SLC22A9: variants seen among roughly 807,000 people sequenced by gnomAD.
The protein encoded by SLC22A9 is solute carrier family 22 member 9.
A neutral mutation model predicts 50.1 loss-of-function variants in SLC22A9; 64 were observed. That is an observed-to-expected ratio of 1.28 (90% CI 1.04 to 1.57). SLC22A9 has a LOEUF of 1.57. SLC22A9 is among the 40% of genes most tolerant of loss of function. The probability of loss-of-function intolerance (pLI) is 0.00; values close to 1 mark genes in which losing one functional copy is unlikely to be tolerated. For missense variants in SLC22A9, 757 were observed against 676.1 expected (o/e 1.12, Z -1.33); for synonymous variants, 261 against 242.5 (o/e 1.08, Z -0.71).
chr11:63,390,724 T>A (rs533183434), intron 6 of SLC22A9, among the ~76,000 whole-genome samples: 1 of 152,178 alleles, frequency 6.6e-6, no homozygotes, highest in Non-Finnish European at 1.5e-5. Context: ...TCTAATTCTA[T>A]GAAGACAGCC....
chr11:63,371,427 C>G (rs1387321721), intron 2 of SLC22A9, among the ~76,000 whole-genome samples, 189 bp downstream of exon 2: 3 of 152,104 alleles, frequency 2.0e-5, no homozygotes, highest in Non-Finnish European at 4.4e-5. Flanking sequence ...ATGCAGGACA[C>G]AGAAATGATA....
At chr11:63,375,799 T>C (rs771561701) in intron 5 of SLC22A9, 31 bp downstream of exon 5, 9 of 1,605,570 alleles carry the variant, frequency 5.6e-6, no homozygotes, top group Middle Eastern at 1.7e-4. Context: ...ATATGGGATG[T>C]AGGGAAGACA....
At chr11:63,371,705 T>C (rs2014362712) in intron 2 of SLC22A9, among the ~76,000 whole-genome samples, 1 of 152,162 alleles carries the variant, frequency 6.6e-6, no homozygotes, top group South Asian at 2.1e-4. Context: ...TATTTGAAGG[T>C]ATCATTGGTG....
At chr11:63,408,930 G>C in intron 9 of SLC22A9, 51 bp downstream of exon 9, 1 of 1,593,582 alleles carries the variant, frequency 6.3e-7, no homozygotes. Context: ...CTATAGGTCT[G>C]TGCTGAGGAA....
chr11:63,409,967 G>T lies in SLC22A9; in HGVS notation c.*105G>T. ...TAGAAAATAAATAACAAGGCTGGGT[G>T]CGGTGGCTCACGCCTGTAATCCCAG... On this transcript the variant is annotated 3_prime_UTR_variant, in exon 10 of 10. Transcript: ENST00000279178. 4 of 1,324,324 alleles carry T rather than the reference G, an allele frequency of 3.0e-6. No individual in the cohort carries two copies. The South Asian group carries it at 5.0e-5, about 16-fold the overall frequency. The allele number at this position is 1,324,324 out of a possible 1,614,324, so 82.0% of individuals were successfully genotyped here. A position where few individuals can be genotyped will look rare whatever the true frequency, so the allele number is the denominator to read the frequency against.
At chr11:63,373,153 C>T (rs1270972132) in intron 2 of SLC22A9, among the ~76,000 whole-genome samples, 2 of 148,290 alleles carry the variant, frequency 1.3e-5, no homozygotes, top group Non-Finnish European at 3.0e-5. Flanking sequence ...TTTTGCCCTC[C>T]CCTGCAACAC....
At chr11:63,375,578 A>T (rs1428689658) in intron 4 of SLC22A9, 67 bp from the exon 5 acceptor site, 1 of 1,570,002 alleles carries the variant, frequency 6.4e-7, no homozygotes, top group African/African-American at 1.4e-5. Flanking sequence ...AGACATCTTA[A>T]GAAAAAACTA....
At chr11:63,398,175 G>A (rs1295873329) in intron 6 of SLC22A9, among the ~76,000 whole-genome samples, 1 of 152,174 alleles carries the variant, frequency 6.6e-6, no homozygotes, top group Non-Finnish European at 1.5e-5. Flanking sequence ...GTCTGGAGAT[G>A]TCATCTGGGA....
At chr11:63,392,728 T>A (rs2014785384) in intron 6 of SLC22A9, among the ~76,000 whole-genome samples, 1 of 152,108 alleles carries the variant, frequency 6.6e-6, no homozygotes, top group Non-Finnish European at 1.5e-5. Context: ...CTTACTGATA[T>A]ATTGTAGTTT....
In SLC22A9 at chr11:63,405,328, T is replaced by C. The variant is rs905793999; in HGVS notation, c.1074-1169T>C. The stretch of plus-strand genomic sequence containing the variant: ...GCTTCTGGTTTGAGCAATTTGGAAG[T>C]GGTGTGAGAACTAGAAACTGTGTCA... On this transcript the variant is annotated intron_variant, in intron 6 of 9. Coordinates refer to ENST00000279178, the MANE Select transcript of SLC22A9 (RefSeq NM_080866.3). Among the ~76,000 whole-genome samples, 26 of 152,168 alleles carry C rather than the reference T, an allele frequency of 1.7e-4. 1 individual carries two copies. The East Asian group carries it at 2.3e-3, about 14-fold the overall frequency.
At chr11:63,385,322 C>A (rs1226072544) in intron 6 of SLC22A9, among the ~76,000 whole-genome samples, 1 of 151,810 alleles carries the variant, frequency 6.6e-6, no homozygotes, top group East Asian at 1.9e-4. Context: ...TTTTCTAATT[C>A]TTTGAAGAAT....
At chr11:63,389,031 A>C (rs1477400613) in intron 6 of SLC22A9, among the ~76,000 whole-genome samples, 3 of 152,034 alleles carry the variant, frequency 2.0e-5, no homozygotes, top group Admixed American at 2.0e-4. Flanking sequence ...TCTCCTTTTT[A>C]ATCTCTGATT....
rs200727459 is a variant in SLC22A9, at chr11:63,370,325, G to A, written c.269G>A (p.Arg90His). 8.4e-5 allele frequency: 135 copies of A among 1,613,978 alleles called. No homozygotes were observed. Among genetic ancestry groups the A allele is most frequent in the Admixed American group, 1.3e-4 (8 of 60,000 alleles). ...DSNMRPEKCR[R>H]FVHPQWQLLH... is the part of the protein sequence containing the mutation. ...AACATGAGGCCAGAGAAGTGTCGTC[G>A]CTTTGTTCATCCTCAGTGGCAGCTC... Residue 90 changes from arginine to histidine, a missense_variant, in exon 1 of 10, where the codon CGC becomes CAC. Coordinates refer to ENST00000279178, the MANE Select transcript of SLC22A9 (RefSeq NM_080866.3).
intron 6 of SLC22A9, among the ~76,000 whole-genome samples, chr11:63,389,551 T>C (rs1036159676): frequency 6.6e-6 from 1 of 152,252 alleles, no homozygotes; most frequent in African/African-American, 2.4e-5. Flanking sequence ...ATGGTGTATG[T>C]GTGCCACATT....
chr11:63,374,645 C>G (rs1379457022), intron 4 of SLC22A9, among the ~76,000 whole-genome samples: 1 of 152,030 alleles, frequency 6.6e-6, no homozygotes, highest in African/African-American at 2.4e-5. Flanking sequence ...ATTATGGAAA[C>G]AGAATTATTA....
chr11:63,403,523 A>C (rs1224919770), intron 6 of SLC22A9, among the ~76,000 whole-genome samples: 1 of 152,138 alleles, frequency 6.6e-6, no homozygotes, highest in East Asian at 1.9e-4. Context: ...AGAGCATATG[A>C]ACATATAAAG....
chr11:63,373,874 T>G lies in SLC22A9; in HGVS notation c.662-20T>G, dbSNP rs1273583034. On this transcript the variant is annotated intron_variant, in intron 3 of 9. Coordinates refer to ENST00000279178, the MANE Select transcript of SLC22A9 (RefSeq NM_080866.3). ...AAACTCCACCTTTGAAGTCAAAGCCTTATCTGTTTTTTCTTCCAGTAGCCG... is the reference window on the plus strand; with the variant it reads ...AAACTCCACCTTTGAAGTCAAAGCCGTATCTGTTTTTTCTTCCAGTAGCCG... The G allele has an allele frequency of 1.2e-6, 2 of 1,611,506 alleles. No homozygotes were observed. Among genetic ancestry groups the G allele is most frequent in the Non-Finnish European group, 1.7e-6 (2 of 1,178,690 alleles).
intron 6 of SLC22A9, among the ~76,000 whole-genome samples, chr11:63,396,919 G>C (rs2014868756): frequency 1.3e-5 from 2 of 152,136 alleles, no homozygotes; most frequent in Non-Finnish European, 2.9e-5. Flanking sequence ...TGGTGCTGAT[G>C]CTTGTGGATG....
At chr11:63,382,851 C>G (rs77296359) in intron 6 of SLC22A9, among the ~76,000 whole-genome samples, 1 of 152,120 alleles carries the variant, frequency 6.6e-6, no homozygotes, top group Non-Finnish European at 1.5e-5. Context: ...TGAGCACAAA[C>G]CCAAGAACAG....
Sources: gnomAD v4.1 joint callset for allele counts (sites outside exome capture counted in the v4.1 genomes callset) on GRCh38, gnomAD v4.1.1 for gene constraint, MANE v1.5 for transcripts, NCBI Gene and HGNC (gene_info 2026-07-23, HGNC 2026-07-21) for gene names.